MIR2052HG: variants seen among roughly 807,000 people sequenced by gnomAD.
The protein encoded by MIR2052HG is MIR2052 host gene.
At chr8:74,611,431 A>G (rs1342133679) in intron 1 of MIR2052HG, among the ~76,000 whole-genome samples, 1 of 152,146 alleles carries the variant, frequency 6.6e-6, no homozygotes, top group Non-Finnish European at 1.5e-5. Flanking sequence ...AATTACATAA[A>G]TTACATGCCA....
intron 2 of MIR2052HG, among the ~76,000 whole-genome samples, chr8:74,698,527 A>G (rs1461238337): frequency 6.6e-6 from 1 of 152,238 alleles, no homozygotes; most frequent in Non-Finnish European, 1.5e-5. Flanking sequence ...TAAACTAAAA[A>G]GCTTCTGCAC....
chr8:74,693,903 G>A (rs562457081), intron 2 of MIR2052HG, among the ~76,000 whole-genome samples: 13 of 152,210 alleles, frequency 8.5e-5, no homozygotes, highest in African/African-American at 3.1e-4. Context: ...GACAAAGGAC[G>A]TAATCTCTTG....
intron 2 of MIR2052HG, among the ~76,000 whole-genome samples, chr8:74,698,992 C>T (rs2553709): frequency 6.6e-6 from 1 of 151,942 alleles, no homozygotes; most frequent in Admixed American, 6.6e-5. Flanking sequence ...AAATGGCCAA[C>T]AAACATATGA....
intron 1 of MIR2052HG, among the ~76,000 whole-genome samples, chr8:74,602,940 A>C (rs901214669): frequency 6.7e-6 from 1 of 149,128 alleles, no homozygotes; most frequent in Non-Finnish European, 1.5e-5. Context: ...TCCTGACTTT[A>C]CAGTACTAAA....
At chr8:74,720,141 G>A (rs184172643) in intron 4 of MIR2052HG, among the ~76,000 whole-genome samples, 6 of 152,150 alleles carry the variant, frequency 3.9e-5, no homozygotes, top group Admixed American at 2.6e-4. Context: ...GAGCCACCAC[G>A]CCCAGGCTTC....
At chr8:74,625,816 ATTC>A (rs971437907) in intron 2 of MIR2052HG, among the ~76,000 whole-genome samples, 2 of 152,170 alleles carry the variant, frequency 1.3e-5, no homozygotes, top group African/African-American at 2.4e-5. Context: ...TTGATTTTGG[ATTC>A]CAATTTGCCT....
chr8:74,684,485 A>T (rs1007225260), intron 2 of MIR2052HG, among the ~76,000 whole-genome samples: 2 of 152,098 alleles, frequency 1.3e-5, no homozygotes, highest in African/African-American at 4.8e-5. Flanking sequence ...AACAATATAT[A>T]TGTGTAAAGT....
At chr8:74,647,776 A>T (rs1433501232) in intron 2 of MIR2052HG, among the ~76,000 whole-genome samples, 1 of 152,200 alleles carries the variant, frequency 6.6e-6, no homozygotes, top group Admixed American at 6.5e-5. Context: ...AGTTCCCAAA[A>T]TTAATACTTT....
chr8:74,721,989 T>C (rs1022805505), intron 4 of MIR2052HG, among the ~76,000 whole-genome samples: 1 of 152,152 alleles, frequency 6.6e-6, no homozygotes, highest in Non-Finnish European at 1.5e-5. Flanking sequence ...GCCCAGGAGT[T>C]CAAGAAAACT....
At chr8:74,681,054 G>T (rs913220756) in intron 2 of MIR2052HG, among the ~76,000 whole-genome samples, 1 of 124,952 alleles carries the variant, frequency 8.0e-6, no homozygotes. Flanking sequence ...CACACTCTGG[G>T]GACTGTTGTG....
intron 1 of MIR2052HG, among the ~76,000 whole-genome samples, chr8:74,609,161 T>C (rs1434489064): frequency 6.6e-6 from 1 of 151,972 alleles, no homozygotes; most frequent in Non-Finnish European, 1.5e-5. Context: ...TAACAAATAT[T>C]GTCTCTTAAA....
chr8:74,604,608 T>TTTTC (rs1808083590), intron 1 of MIR2052HG, among the ~76,000 whole-genome samples: 1 of 140,194 alleles, frequency 7.1e-6, no homozygotes, highest in Non-Finnish European at 1.5e-5. Flanking sequence ...TTTTTTTTTT[T>TTTTC]CTGAGACGGA....
chr8:74,645,556 A>T (rs1808682733), intron 2 of MIR2052HG, among the ~76,000 whole-genome samples: 1 of 152,202 alleles, frequency 6.6e-6, no homozygotes, highest in Non-Finnish European at 1.5e-5. Flanking sequence ...AAGTACTGGG[A>T]TTACCGGCGC....
intron 2 of MIR2052HG, among the ~76,000 whole-genome samples, chr8:74,644,473 A>G (rs1283317872): frequency 2.0e-5 from 3 of 152,158 alleles, no homozygotes; most frequent in South Asian, 2.1e-4. Context: ...AGTACACTCT[A>G]TGATGTTCGC....
intron 2 of MIR2052HG, among the ~76,000 whole-genome samples, chr8:74,636,491 A>G (rs182397911): frequency 2.6e-5 from 4 of 152,334 alleles, no homozygotes; most frequent in Non-Finnish European, 5.9e-5. Context: ...ATGCAGTGTA[A>G]TAGCTCAAAG....
intron 2 of MIR2052HG, among the ~76,000 whole-genome samples, chr8:74,662,890 GT>G (rs1201164335): frequency 7.1e-6 from 1 of 141,520 alleles, no homozygotes; most frequent in African/African-American, 3.1e-5. Flanking sequence ...GTGTGTGTGT[GT>G]GTGGTATAAT....
chr8:74,682,162 C>T (rs1809132579), intron 2 of MIR2052HG, among the ~76,000 whole-genome samples: 1 of 151,904 alleles, frequency 6.6e-6, no homozygotes, highest in Non-Finnish European at 1.5e-5. Context: ...ATAAAAAATG[C>T]AGTTGAAAAA....
At chr8:74,703,953 T>G (rs1349042258) in intron 4 of MIR2052HG, among the ~76,000 whole-genome samples, 1 of 151,988 alleles carries the variant, frequency 6.6e-6, no homozygotes, top group African/African-American at 2.4e-5. Context: ...ATTTAGTAAT[T>G]TATCAGACTA....
At chr8:74,751,238 C>G (rs1178961282) in intron 4 of MIR2052HG, among the ~76,000 whole-genome samples, 5 of 152,148 alleles carry the variant, frequency 3.3e-5, no homozygotes, top group Admixed American at 3.3e-4. Flanking sequence ...ACGTCCTTTT[C>G]ATGGTGAATT....
Sources: allele counts gnomAD v4.1 joint callset (sites outside exome capture counted in the v4.1 genomes callset), GRCh38; gene constraint gnomAD v4.1.1; transcripts MANE v1.5; gene names NCBI Gene and HGNC (gene_info 2026-07-23, HGNC 2026-07-21).